Variants in NOTCH2NLB observed in about 807,000 individuals in gnomAD.
The protein encoded by NOTCH2NLB is notch homolog 2 N-terminal-like protein B.
Under a neutral mutation model 14.8 loss-of-function variants are expected in NOTCH2NLB, and 1 was observed. That is an observed-to-expected ratio of 0.07 (90% confidence interval 0.02 to 0.32). NOTCH2NLB has a LOEUF of 0.32. NOTCH2NLB is among the 10% of genes least tolerant of loss of function. The probability of loss-of-function intolerance (pLI) is 1.00; values close to 1 mark genes in which losing one functional copy is unlikely to be tolerated. For missense variants in NOTCH2NLB, 11 were observed against 155.0 expected (o/e 0.07, Z 4.93); for synonymous variants, 6 against 57.5 (o/e 0.10, Z 4.05).
At chr1:148,699,988 GC>G in the NOTCH2NLB span, among the ~76,000 whole-genome samples, 1 of 90,800 alleles carries the variant, frequency 1.1e-5, no homozygotes, top group Non-Finnish European at 2.4e-5. Flanking sequence ...TGCTTATTAA[GC>G]CCAGTATCCA....
intron 1 of NOTCH2NLB, among the ~76,000 whole-genome samples, chr1:148,651,044 G>A (rs1360270839): frequency 8.2e-6 from 1 of 122,640 alleles, no homozygotes; most frequent in African/African-American, 2.9e-5. Context: ...TAGGGAGTCT[G>A]AGGCAGGAGA....
chr1:148,680,530 G>GT (rs1466427225), upstream of NOTCH2NLB, among the ~76,000 whole-genome samples: 16 of 40,386 alleles, frequency 4.0e-4, no homozygotes, highest in South Asian at 0.015. Flanking sequence ...GATATTCGTT[G>GT]TAACACTGTA....
chr1:148,655,567 TA>T (rs1196142501), intron 1 of NOTCH2NLB, among the ~76,000 whole-genome samples: 13 of 890 alleles, frequency 0.015, no homozygotes, highest in African/African-American at 0.1. Flanking sequence ...GGAAAGACTT[TA>T]AAAAAAAAAA....
chr1:148,625,598 C>A, intron 2 of NOTCH2NLB, among the ~76,000 whole-genome samples: 1 of 117,746 alleles, frequency 8.5e-6, no homozygotes. Context: ...TAGTTTCCAG[C>A]AGAAAATTCT....
chr1:148,651,148 A>C (rs1307623817), intron 1 of NOTCH2NLB, among the ~76,000 whole-genome samples: 2 of 74,808 alleles, frequency 2.7e-5, no homozygotes, highest in African/African-American at 6.1e-5. Flanking sequence ...GCCTGAGAAA[A>C]AAAAAAAAAA....
intron 1 of NOTCH2NLB, among the ~76,000 whole-genome samples, chr1:148,670,533 A>ATATATAT (rs1664743280): frequency 4.5e-5 from 1 of 22,074 alleles, no homozygotes; most frequent in Non-Finnish European, 8.5e-5. Flanking sequence ...ATAAACTAAA[A>ATATATAT]AAAAAAATAT....
At chr1:148,712,453 G>C in the NOTCH2NLB span, among the ~76,000 whole-genome samples, 1 of 152,270 alleles carries the variant, frequency 6.6e-6, no homozygotes, top group African/African-American at 2.4e-5. Context: ...GGGCTTTCCT[G>C]GGAATATGTG....
the NOTCH2NLB span, among the ~76,000 whole-genome samples, chr1:148,694,411 G>C: frequency 3.5e-5 from 3 of 86,006 alleles, 1 homozygote; most frequent in Non-Finnish European, 7.8e-5. Context: ...AGACGCAGTA[G>C]TAAATTCTTA....
chr1:148,670,553 C>CATAT (rs1311446628), intron 1 of NOTCH2NLB, among the ~76,000 whole-genome samples: 2,654 of 103,942 alleles, frequency 0.026, 33 homozygotes, highest in African/African-American at 0.081. Flanking sequence ...TATATATATA[C>CATAT]ATATATATAT....
chr1:148,704,573 C>T, the NOTCH2NLB span, among the ~76,000 whole-genome samples: 2 of 3,438 alleles, frequency 5.8e-4, no homozygotes, highest in Non-Finnish European at 8.7e-4. Flanking sequence ...TACTCTTCTT[C>T]TTATTATTAT....
At position 148,645,810 on chromosome 1, in the gene NOTCH2NLB, AG is replaced by A. The variant is rs1485105353; in HGVS notation, c.4-5722del. 2.4e-4 allele frequency among the ~76,000 whole-genome samples: 36 copies of A among 150,900 alleles called. 1 individual carries two copies. The highest frequency in any genetic ancestry group is 7.8e-4 in the African/African-American group (32 of 41,260). On this transcript the variant is annotated intron_variant, in intron 1 of 4. Coordinates refer to ENST00000593495, the Ensembl canonical transcript of NOTCH2NLB. The stretch of plus-strand genomic sequence containing the variant: ...CTCATGACTCTCAATTCAGCACTAC[AG>A]GGTCTTCTAGCTCTCTGCTTTTTCA...
chr1:148,670,540 AT>A (rs1362652301), intron 1 of NOTCH2NLB, among the ~76,000 whole-genome samples: 18,176 of 89,254 alleles, frequency 0.2, 418 homozygotes, highest in African/African-American at 0.42. Flanking sequence ...AAAAAAAAAA[AT>A]ATATATATAT....
At chr1:148,693,118 C>T in the NOTCH2NLB span, among the ~76,000 whole-genome samples, 11 of 127,144 alleles carry the variant, frequency 8.7e-5, no homozygotes, top group East Asian at 1.8e-3. Flanking sequence ...CATTCTTCCT[C>T]TCTCTCTCTT....
intron 2 of NOTCH2NLB, among the ~76,000 whole-genome samples, chr1:148,637,453 C>A (rs1380875135): frequency 1.4e-5 from 2 of 139,226 alleles, no homozygotes; most frequent in East Asian, 4.0e-4. Flanking sequence ...AATATATAGG[C>A]GAACACTTAG....
At chr1:148,637,392 G>A (rs1664229142) in intron 2 of NOTCH2NLB, among the ~76,000 whole-genome samples, 1 of 133,560 alleles carries the variant, frequency 7.5e-6, no homozygotes, top group Non-Finnish European at 1.6e-5. Flanking sequence ...CCTGGTAAGT[G>A]CTCAGAGATT....
At chr1:148,608,327 C>T (rs1663572423) in intron 3 of NOTCH2NLB, among the ~76,000 whole-genome samples, 1 of 136,002 alleles carries the variant, frequency 7.4e-6, no homozygotes, top group Non-Finnish European at 1.5e-5. Context: ...GCGGAGGTTG[C>T]AGTGAGCCGA....
rs1182615940 is a variant in NOTCH2NLB, at chr1:148,638,437, A to T, written c.77+1579T>A. On this transcript the variant is annotated intron_variant, in intron 2 of 4. Transcript: ENST00000593495. The stretch of plus-strand genomic sequence containing the variant: ...GTTGCATAACAGAATAAAGCAAGCA[A>T]CTAAGGCACCAAATGCCACAAAAAG... Among the ~76,000 whole-genome samples, 4 of 149,006 alleles carry T rather than the reference A, an allele frequency of 2.7e-5. No homozygotes were observed. The South Asian group carries it at 8.6e-4, about 32-fold the overall frequency.
chr1:148,707,717 G>A, the NOTCH2NLB span, among the ~76,000 whole-genome samples: 1 of 150,086 alleles, frequency 6.7e-6, no homozygotes, highest in Non-Finnish European at 1.5e-5. Context: ...GGGAGGCAGA[G>A]ATTGCAGTGA....
At chr1:148,638,123 G>A (rs1385515209) in intron 2 of NOTCH2NLB, among the ~76,000 whole-genome samples, 4 of 148,576 alleles carry the variant, frequency 2.7e-5, no homozygotes, top group Non-Finnish European at 1.5e-5. Flanking sequence ...TGGGATTGCT[G>A]GGCCAAATGG....
Sources: allele counts gnomAD v4.1 joint callset (sites outside exome capture counted in the v4.1 genomes callset), GRCh38; gene constraint gnomAD v4.1.1; transcripts MANE v1.5; gene names NCBI Gene and HGNC (gene_info 2026-07-23, HGNC 2026-07-21).